ST6GALNAC5: variants seen among roughly 807,000 people sequenced by gnomAD.
The protein encoded by ST6GALNAC5 is ST6 N-acetylgalactosaminide alpha-2,6-sialyltransferase 5.
ST6GALNAC5 carries 27 observed loss-of-function variants against 33.6 expected under a neutral mutation model. The observed-to-expected ratio is 0.80, with a 90% CI of 0.59 to 1.11. The LOEUF (loss-of-function observed/expected upper bound fraction) is 1.11. Among genes scored for constraint, ST6GALNAC5 ranks in the 50% least tolerant of loss-of-function variants. ST6GALNAC5 has a pLI of 0.00. For missense variants in ST6GALNAC5, 428 were observed against 454.0 expected (o/e 0.94, Z 0.52); for synonymous variants, 194 against 171.2 (o/e 1.13, Z -1.04).
chr1:76,891,823 G>A (rs1654019415), intron 2 of ST6GALNAC5, among the ~76,000 whole-genome samples: 1 of 152,154 alleles, frequency 6.6e-6, no homozygotes, highest in African/African-American at 2.4e-5. Flanking sequence ...AGCATAATTT[G>A]TTGAAAAAAC....
At chr1:76,961,533 TTC>T (rs1299712664) in intron 2 of ST6GALNAC5, among the ~76,000 whole-genome samples, 223 of 152,318 alleles carry the variant, frequency 1.5e-3, no homozygotes, top group African/African-American at 5.1e-3. Context: ...CCATGCCGCC[TTC>T]TCCAGCATCA....
chr1:76,943,429 G>A (rs549708028), intron 2 of ST6GALNAC5, among the ~76,000 whole-genome samples: 3 of 152,140 alleles, frequency 2.0e-5, no homozygotes, highest in East Asian at 1.9e-4. Flanking sequence ...AGAGTTCTTC[G>A]ACTACAGGTA....
chr1:76,884,889 A>T (rs1207711477), intron 2 of ST6GALNAC5, among the ~76,000 whole-genome samples: 1 of 152,218 alleles, frequency 6.6e-6, no homozygotes, highest in African/African-American at 2.4e-5. Context: ...ACTAGGGAAG[A>T]GTAGTAACCA....
chr1:77,059,544 G>A (rs573340109), intron 4 of ST6GALNAC5, among the ~76,000 whole-genome samples: 1 of 152,278 alleles, frequency 6.6e-6, no homozygotes, highest in East Asian at 1.9e-4. Flanking sequence ...ATGTCCATAC[G>A]TCTTATTACT....
chr1:76,876,037 A>T (rs1653631560), intron 2 of ST6GALNAC5, among the ~76,000 whole-genome samples: 1 of 152,238 alleles, frequency 6.6e-6, no homozygotes, highest in Non-Finnish European at 1.5e-5. Flanking sequence ...ATAATGGTGG[A>T]TAAGGCATTC....
intron 2 of ST6GALNAC5, among the ~76,000 whole-genome samples, chr1:76,902,545 A>G (rs966094831): frequency 2.0e-5 from 3 of 152,164 alleles, no homozygotes; most frequent in Admixed American, 6.5e-5. Context: ...CAAAATTCAT[A>G]TGGAATTGCA....
intron 2 of ST6GALNAC5, among the ~76,000 whole-genome samples, chr1:76,977,635 G>A (rs992311007): frequency 5.3e-5 from 8 of 152,154 alleles, no homozygotes; most frequent in Non-Finnish European, 1.2e-4. Context: ...TGCCACAAAT[G>A]ATAGAATTTC....
At chr1:76,895,360 G>A (rs544796382) in intron 2 of ST6GALNAC5, among the ~76,000 whole-genome samples, 27 of 152,282 alleles carry the variant, frequency 1.8e-4, no homozygotes, top group Non-Finnish European at 3.2e-4. Context: ...TAGGGGCGGC[G>A]TGGGAACCTA....
intron 4 of ST6GALNAC5, 93 bp downstream of exon 4, chr1:77,050,458 C>T: frequency 1.6e-6 from 2 of 1,236,038 alleles, no homozygotes; most frequent in East Asian, 2.4e-5. Context: ...ACATGTCTAA[C>T]TGTCTTCTTG....
intron 2 of ST6GALNAC5, among the ~76,000 whole-genome samples, chr1:76,872,470 C>A (rs1335097462): frequency 6.6e-6 from 1 of 152,180 alleles, no homozygotes; most frequent in African/African-American, 2.4e-5. Context: ...TGGTTCTTTC[C>A]ATTTTTAGGC....
At chr1:77,048,099 G>T (rs931702116) in intron 3 of ST6GALNAC5, among the ~76,000 whole-genome samples, 1 of 152,094 alleles carries the variant, frequency 6.6e-6, no homozygotes, top group African/African-American at 2.4e-5. Context: ...AGTTTCTTTC[G>T]TCCTCTACCT....
intron 2 of ST6GALNAC5, among the ~76,000 whole-genome samples, chr1:76,912,317 C>T (rs1646922633): frequency 6.6e-6 from 1 of 152,072 alleles, no homozygotes; most frequent in Non-Finnish European, 1.5e-5. Flanking sequence ...TGTTCTTTTA[C>T]ATTTGCTGAG....
intron 2 of ST6GALNAC5, among the ~76,000 whole-genome samples, chr1:76,910,570 T>C (rs1477829649): frequency 6.6e-6 from 1 of 152,092 alleles, no homozygotes; most frequent in Non-Finnish European, 1.5e-5. Context: ...GTTTGATGAC[T>C]GCTCAAACAC....
intron 2 of ST6GALNAC5, among the ~76,000 whole-genome samples, chr1:76,913,479 C>G (rs1252582): frequency 0.025 from 3,803 of 152,026 alleles, 94 homozygotes; most frequent in African/African-American, 0.07. Context: ...TTGCTAGATT[C>G]GGGAAGTTCT....
chr1:76,873,678 T>G lies in ST6GALNAC5; in HGVS notation c.261+4936T>G, dbSNP rs530955969. 2.0e-5 allele frequency among the ~76,000 whole-genome samples: 3 copies of G among 152,322 alleles called. No individual in the cohort carries two copies. In the South Asian group the frequency reaches 6.2e-4, roughly 32 times the overall value. On this transcript the variant is annotated intron_variant, in intron 2 of 4. Transcript: ENST00000477717. ...ACAGGGAGGAAGAGGAGGAAATGAT[T>G]TAAGAGGAAAGACAAAAGAATCTTT...
intron 2 of ST6GALNAC5, among the ~76,000 whole-genome samples, chr1:76,981,661 C>T (rs566253862): frequency 4.9e-4 from 75 of 152,140 alleles, no homozygotes; most frequent in African/African-American, 1.6e-3. Flanking sequence ...CATTTGAGCT[C>T]GAGAATGGAC....
chr1:76,923,726 C>A (rs375560891), intron 2 of ST6GALNAC5, among the ~76,000 whole-genome samples: 28 of 151,530 alleles, frequency 1.8e-4, no homozygotes, highest in East Asian at 7.8e-4. Context: ...AACAAACAAA[C>A]AAAAAAAACA....
chr1:76,937,840 T>C (rs1647228499), intron 2 of ST6GALNAC5, among the ~76,000 whole-genome samples: 1 of 152,098 alleles, frequency 6.6e-6, no homozygotes, highest in South Asian at 2.1e-4. Flanking sequence ...GTATTCCAAT[T>C]TGAACGCCTT....
At chr1:77,006,056 T>G (rs1650400747) in intron 2 of ST6GALNAC5, among the ~76,000 whole-genome samples, 1 of 152,232 alleles carries the variant, frequency 6.6e-6, no homozygotes, top group Non-Finnish European at 1.5e-5. Flanking sequence ...TTTCTATATA[T>G]CTCTAGAAGT....
Sources: gnomAD v4.1 joint callset for allele counts (sites outside exome capture counted in the v4.1 genomes callset) on GRCh38, gnomAD v4.1.1 for gene constraint, MANE v1.5 for transcripts, NCBI Gene and HGNC (gene_info 2026-07-23, HGNC 2026-07-21) for gene names.